The following LHFPL2 variants were observed in gnomAD, a reference collection of about 807,000 sequenced individuals.
LHFPL2 encodes the protein LHFPL tetraspan subfamily member 2 protein.
LHFPL2 carries 7 observed loss-of-function variants against 17.5 expected under a neutral mutation model. That is an observed-to-expected ratio of 0.40 (90% CI 0.23 to 0.75). The LOEUF (loss-of-function observed/expected upper bound fraction) is 0.75, where lower values mean the gene tolerates loss of function less well. Ranked by LOEUF, LHFPL2 falls within the 30% of genes least tolerant of loss-of-function variation. LHFPL2 has a pLI of 0.37. For synonymous variants in LHFPL2, 134 were observed against 116.2 expected (o/e 1.15, Z -0.99); for missense variants, 241 against 294.8 (o/e 0.82, Z 1.34).
intron 2 of LHFPL2, among the ~76,000 whole-genome samples, chr5:78,592,272 C>A (rs1198756150): frequency 6.6e-6 from 1 of 152,190 alleles, no homozygotes; most frequent in Non-Finnish European, 1.5e-5. Flanking sequence ...ACAGAGAGCA[C>A]CTCTCTCAAA....
At chr5:78,593,823 C>T (rs750609300) in intron 2 of LHFPL2, among the ~76,000 whole-genome samples, 18 of 152,180 alleles carry the variant, frequency 1.2e-4, no homozygotes, top group Non-Finnish European at 2.4e-4. Flanking sequence ...AACCAGACGG[C>T]ATGACTGTCC....
intron 3 of LHFPL2, among the ~76,000 whole-genome samples, chr5:78,527,364 T>G (rs1051645204): frequency 9.1e-5 from 4 of 43,998 alleles, no homozygotes; most frequent in South Asian, 1.1e-3. Context: ...TGATGAGGAG[T>G]TTTTTTTTTT....
At chr5:78,625,343 G>C (rs967804110) in intron 2 of LHFPL2, 2 of 152,162 alleles carry the variant, frequency 1.3e-5, no homozygotes, top group African/African-American at 4.8e-5. Context: ...GGTAAGGAAA[G>C]GGGCAACTTC....
chr5:78,613,421 G>A (rs1013492104), intron 2 of LHFPL2, among the ~76,000 whole-genome samples: 12 of 152,118 alleles, frequency 7.9e-5, no homozygotes, highest in Non-Finnish European at 1.2e-4. Context: ...CTTTGCCACC[G>A]ACTAGTAGAG....
chr5:78,641,099 C>T (rs1745646109), intron 1 of LHFPL2, among the ~76,000 whole-genome samples: 1 of 152,172 alleles, frequency 6.6e-6, no homozygotes, highest in African/African-American at 2.4e-5. Context: ...GTGTGCAAAG[C>T]AGTTGGAGAT....
intron 2 of LHFPL2, among the ~76,000 whole-genome samples, chr5:78,611,047 C>A (rs1196314088): frequency 6.6e-6 from 1 of 152,168 alleles, no homozygotes; most frequent in African/African-American, 2.4e-5. Flanking sequence ...AAAAAAAGTT[C>A]ATTAACTGCT....
At chr5:78,627,478 C>T (rs1745088544) in intron 2 of LHFPL2, among the ~76,000 whole-genome samples, 2 of 152,096 alleles carry the variant, frequency 1.3e-5, no homozygotes, top group South Asian at 4.1e-4. Flanking sequence ...ACCACTACTT[C>T]TCTCTCCTTT....
intron 3 of LHFPL2, among the ~76,000 whole-genome samples, chr5:78,561,233 A>C (rs1434156684): frequency 6.6e-6 from 1 of 152,228 alleles, no homozygotes; most frequent in African/African-American, 2.4e-5. Flanking sequence ...ATACTTAAAC[A>C]TTTTCCAAAA....
intron 3 of LHFPL2, among the ~76,000 whole-genome samples, chr5:78,515,251 C>G (rs894601680): frequency 6.6e-5 from 2 of 30,366 alleles, no homozygotes; most frequent in African/African-American, 4.8e-4. Flanking sequence ...GAATAGTCTT[C>G]CCACCCAACC....
At chr5:78,567,304 G>C (rs1756883435) in intron 2 of LHFPL2, among the ~76,000 whole-genome samples, 1 of 152,172 alleles carries the variant, frequency 6.6e-6, no homozygotes. Context: ...AGAGTAGTCA[G>C]GAAGATAAAA....
intron 4 of LHFPL2, among the ~76,000 whole-genome samples, chr5:78,496,668 T>C (rs777599295): frequency 6.6e-6 from 1 of 152,162 alleles, no homozygotes; most frequent in Non-Finnish European, 1.5e-5. Flanking sequence ...ATTCCAGGCT[T>C]TTCAGTGGGG....
intron 3 of LHFPL2, among the ~76,000 whole-genome samples, chr5:78,562,859 C>T (rs545005058): frequency 4.6e-5 from 7 of 152,138 alleles, no homozygotes; most frequent in Non-Finnish European, 8.8e-5. Context: ...ATCCTGAAGG[C>T]TTTGGCAGAA....
At chr5:78,564,008 C>T (rs1756797291) in intron 3 of LHFPL2, among the ~76,000 whole-genome samples, 1 of 152,150 alleles carries the variant, frequency 6.6e-6, no homozygotes, top group Admixed American at 6.6e-5. Flanking sequence ...ACAAATGAGA[C>T]GGTATCTGTG....
intron 2 of LHFPL2, among the ~76,000 whole-genome samples, chr5:78,629,967 C>T (rs1015626813): frequency 1.6e-4 from 25 of 152,154 alleles, no homozygotes; most frequent in African/African-American, 5.3e-4. Flanking sequence ...TTAACAAGTC[C>T]AAAACACGTA....
At chr5:78,571,839 T>C in intron 2 of LHFPL2, among the ~76,000 whole-genome samples, 1 of 152,202 alleles carries the variant, frequency 6.6e-6, no homozygotes, top group Non-Finnish European at 1.5e-5. Context: ...GCTAGGTAAG[T>C]ACAGAAATAG....
intron 3 of LHFPL2, among the ~76,000 whole-genome samples, chr5:78,555,377 T>C (rs1020288569): frequency 2.0e-5 from 3 of 152,264 alleles, no homozygotes; most frequent in Non-Finnish European, 4.4e-5. Context: ...TTCATTTGTT[T>C]TAGAGAAATC....
chr5:78,526,121 C>A (rs749193488), intron 3 of LHFPL2, among the ~76,000 whole-genome samples: 1 of 152,122 alleles, frequency 6.6e-6, no homozygotes, highest in Non-Finnish European at 1.5e-5. Flanking sequence ...CTTCTGCTGG[C>A]CTCTGTAGCC....
intron 3 of LHFPL2, among the ~76,000 whole-genome samples, chr5:78,543,093 C>T (rs1756162517): frequency 6.6e-6 from 1 of 152,134 alleles, no homozygotes; most frequent in South Asian, 2.1e-4. Context: ...AGGCAGAGAA[C>T]CTACCTGCAT....
In LHFPL2 at chr5:78,487,486, C is replaced by G. The variant is rs896558420; in HGVS notation, c.*1411G>C. 7 of 152,202 alleles carry G rather than the reference C, an allele frequency of 4.6e-5. No homozygotes were observed. The highest frequency in any genetic ancestry group is 2.0e-4 in the Admixed American group (3 of 15,282). The allele number at this position is 152,202 out of a possible 1,614,324, so 9.4% of individuals were successfully genotyped here. A position where few individuals can be genotyped will look rare whatever the true frequency, so the allele number is the denominator to read the frequency against. ...TTCTCCTTCCAGAAATCTGGCAGTT[C>G]CATCTCACTTTCTTAAAGTGCTAAG... is the stretch of plus-strand genomic sequence containing the variant. On this transcript the variant is annotated 3_prime_UTR_variant, in exon 5 of 5. Coordinates refer to ENST00000380345, the MANE Select transcript of LHFPL2 (RefSeq NM_005779.3).
Sources: gnomAD v4.1 joint callset for allele counts (sites outside exome capture counted in the v4.1 genomes callset) on GRCh38, gnomAD v4.1.1 for gene constraint, MANE v1.5 for transcripts, NCBI Gene and HGNC (gene_info 2026-07-23, HGNC 2026-07-21) for gene names.